The following ADGRB3 variants were observed in gnomAD, a reference collection of about 807,000 sequenced individuals.
The protein encoded by ADGRB3 is adhesion G protein-coupled receptor B3.
In ADGRB3, 37 loss-of-function variants were observed where a neutral mutation model predicts 193.4. The ratio of observed to expected loss-of-function variants is 0.19; its 90% CI spans 0.15 to 0.25. The LOEUF is 0.25. Among genes scored for constraint, ADGRB3 ranks in the 10% least tolerant of loss-of-function variants. The pLI is 1.00. For synonymous variants in ADGRB3, 690 were observed against 644.2 expected (o/e 1.07, Z -1.08); for missense variants, 1,637 against 1,852.9 (o/e 0.88, Z 2.14).
At chr6:68,671,835 G>A (rs553843939) in intron 3 of ADGRB3, among the ~76,000 whole-genome samples, 1 of 152,116 alleles carries the variant, frequency 6.6e-6, no homozygotes, top group Admixed American at 6.6e-5. Flanking sequence ...GTTTGAGTAG[G>A]ATTGGTATTA....
chr6:68,736,482 G>C (rs1765875497), intron 3 of ADGRB3, among the ~76,000 whole-genome samples: 1 of 152,018 alleles, frequency 6.6e-6, no homozygotes, highest in African/African-American at 2.4e-5. Flanking sequence ...CTACTAATTA[G>C]ACTTAATTAA....
At chr6:69,189,748 A>G (rs75238751) in intron 17 of ADGRB3, among the ~76,000 whole-genome samples, 273 of 152,326 alleles carry the variant, frequency 1.8e-3, no homozygotes, top group African/African-American at 6.1e-3. Context: ...TGTGAGGTAC[A>G]CAGAGAACAT....
chr6:69,070,288 T>TA (rs1315986048), intron 16 of ADGRB3, among the ~76,000 whole-genome samples: 2 of 152,136 alleles, frequency 1.3e-5, no homozygotes, highest in African/African-American at 4.8e-5. Flanking sequence ...AAAATCTGAA[T>TA]AAAAAATAGA....
chr6:69,260,472 G>A (rs578199122), intron 20 of ADGRB3, among the ~76,000 whole-genome samples: 61 of 152,174 alleles, frequency 4.0e-4, no homozygotes, highest in African/African-American at 5.8e-4. Context: ...CCTTCTAGAC[G>A]CTATTTCAGA....
chr6:69,255,646 G>A lies in ADGRB3; in HGVS notation c.2814+16420G>A, dbSNP rs1766748497. ...GGTTGCAAAAATTTTCTCCCATTTT[G>A]TGGGTTGCCTGTTCACTCTGATGGT... On this transcript the variant is annotated intron_variant, in intron 20 of 31. Coordinates refer to ENST00000370598, the MANE Select transcript of ADGRB3 (RefSeq NM_001704.3). Among the ~76,000 whole-genome samples, 3 of 152,236 alleles carry A rather than the reference G, an allele frequency of 2.0e-5. No individual in the cohort carries two copies. In the East Asian group the frequency reaches 5.8e-4, roughly 29 times the overall value.
chr6:68,692,588 A>G (rs1334257971), intron 3 of ADGRB3, among the ~76,000 whole-genome samples: 1 of 151,810 alleles, frequency 6.6e-6, no homozygotes, highest in Non-Finnish European at 1.5e-5. Flanking sequence ...CCTGTACTCT[A>G]GGTACCCAAA....
chr6:69,380,815 C>A (rs1314322643), intron 30 of ADGRB3, among the ~76,000 whole-genome samples: 1 of 151,828 alleles, frequency 6.6e-6, no homozygotes, highest in East Asian at 1.9e-4. Flanking sequence ...GAAACTCAAT[C>A]AGATTTTGTG....
intron 17 of ADGRB3, among the ~76,000 whole-genome samples, chr6:69,184,813 G>A (rs949787950): frequency 6.6e-6 from 1 of 152,008 alleles, no homozygotes; most frequent in Non-Finnish European, 1.5e-5. Flanking sequence ...CCTTTATGGG[G>A]CAGATTTGTT....
intron 20 of ADGRB3, among the ~76,000 whole-genome samples, chr6:69,288,192 C>T (rs1310142705): frequency 6.6e-6 from 1 of 152,166 alleles, no homozygotes; most frequent in Non-Finnish European, 1.5e-5. Context: ...TGCTATCCCT[C>T]CCTTAGCCCT....
chr6:68,778,226 G>C (rs555001183), intron 3 of ADGRB3, among the ~76,000 whole-genome samples: 26 of 152,100 alleles, frequency 1.7e-4, no homozygotes, highest in Non-Finnish European at 3.5e-4. Flanking sequence ...CCAGGGAATG[G>C]GTAAGGTTAT....
chr6:69,219,772 G>A (rs1765853913), intron 17 of ADGRB3, among the ~76,000 whole-genome samples: 1 of 151,602 alleles, frequency 6.6e-6, no homozygotes, highest in African/African-American at 2.4e-5. Context: ...GAAAACTTGA[G>A]CTATGCATTC....
intron 3 of ADGRB3, among the ~76,000 whole-genome samples, chr6:68,712,630 G>C (rs959780797): frequency 3.3e-5 from 5 of 151,924 alleles, no homozygotes; most frequent in Non-Finnish European, 5.9e-5. Context: ...ACATAGGAGA[G>C]AGACAAAGAA....
intron 29 of ADGRB3, among the ~76,000 whole-genome samples, chr6:69,366,148 C>T (rs1396634807): frequency 1.3e-5 from 2 of 151,748 alleles, no homozygotes; most frequent in East Asian, 1.9e-4. Flanking sequence ...TTTTTTTTCT[C>T]ATGTAAGTCT....
chr6:68,721,206 G>A (rs1408603067), intron 3 of ADGRB3, among the ~76,000 whole-genome samples: 1 of 151,838 alleles, frequency 6.6e-6, no homozygotes. Flanking sequence ...ACTCACAATA[G>A]CAAAGACTTG....
intron 17 of ADGRB3, among the ~76,000 whole-genome samples, chr6:69,172,877 A>G (rs1315910976): frequency 6.6e-6 from 1 of 152,054 alleles, no homozygotes. Flanking sequence ...AGCAGACAGA[A>G]CAAAATGGCT....
intron 17 of ADGRB3, among the ~76,000 whole-genome samples, chr6:69,161,889 C>G (rs1774999839): frequency 6.6e-6 from 1 of 152,120 alleles, no homozygotes; most frequent in South Asian, 2.1e-4. Flanking sequence ...TGGCATCCCT[C>G]AGAGTGAGCA....
intron 11 of ADGRB3, among the ~76,000 whole-genome samples, chr6:68,997,075 G>A (rs1209859268): frequency 1.3e-5 from 2 of 152,058 alleles, no homozygotes; most frequent in Non-Finnish European, 2.9e-5. Flanking sequence ...TGGTAATGTT[G>A]TACTCAATTA....
intron 3 of ADGRB3, among the ~76,000 whole-genome samples, chr6:68,701,983 G>A (rs1765249664): frequency 6.6e-6 from 1 of 152,130 alleles, no homozygotes; most frequent in Non-Finnish European, 1.5e-5. Flanking sequence ...GACAAGCACA[G>A]TTTATTCTGG....
rs1437953703 is a variant in ADGRB3, at chr6:68,866,941, G to A, written c.758-63618G>A. 2.6e-5 allele frequency among the ~76,000 whole-genome samples: 4 copies of A among 152,158 alleles called. No homozygotes were observed. In the East Asian group the frequency reaches 7.7e-4, roughly 29 times the overall value. On this transcript the variant is annotated intron_variant, in intron 3 of 31. Coordinates refer to ENST00000370598, the MANE Select transcript of ADGRB3 (RefSeq NM_001704.3). ...AGTCTTATGCATTCACAAAGAGATG[G>A]TCTGAAATTGGAACTTATGTTCAAA...
Sources: gnomAD v4.1 joint callset for allele counts (sites outside exome capture counted in the v4.1 genomes callset) on GRCh38, gnomAD v4.1.1 for gene constraint, MANE v1.5 for transcripts, NCBI Gene and HGNC (gene_info 2026-07-23, HGNC 2026-07-21) for gene names.